The following RPS6KC1 variants were observed in gnomAD, a reference collection of about 807,000 sequenced individuals.
The protein encoded by RPS6KC1 is ribosomal protein S6 kinase C1.
Under a neutral mutation model 103.8 loss-of-function variants are expected in RPS6KC1, and 54 were observed. The ratio of observed to expected loss-of-function variants is 0.52; its 90% confidence interval spans 0.42 to 0.65. The LOEUF (loss-of-function observed/expected upper bound fraction) is 0.65. RPS6KC1 is among the 30% of genes least tolerant of loss of function. The pLI is 0.00. For synonymous variants in RPS6KC1, 439 were observed against 438.7 expected, an observed-to-expected ratio of 1.00 and a Z score of -0.01; for missense variants, 1,151 against 1,253.8, an observed-to-expected ratio of 0.92 and a Z score of 1.24.
intron 8 of RPS6KC1, 114 bp downstream of exon 8, chr1:213,176,606 A>C: frequency 4.1e-5 from 25 of 613,628 alleles, no homozygotes; most frequent in Non-Finnish European, 5.7e-5. Flanking sequence ...AATGACTCAA[A>C]TGCATGTGCA....
the RPS6KC1 span, among the ~76,000 whole-genome samples, chr1:213,469,060 C>T: frequency 2.2e-4 from 34 of 152,280 alleles, no homozygotes; most frequent in East Asian, 3.3e-3. Flanking sequence ...TTGGTAATCC[C>T]GCTGTCCCCT....
chr1:213,368,440 A>G, the RPS6KC1 span, among the ~76,000 whole-genome samples: 3 of 152,136 alleles, frequency 2.0e-5, no homozygotes, highest in Non-Finnish European at 4.4e-5. Context: ...ACTTCATCCT[A>G]AAGTAATAGA....
the RPS6KC1 span, among the ~76,000 whole-genome samples, chr1:213,503,929 A>G: frequency 2.6e-5 from 4 of 152,216 alleles, no homozygotes; most frequent in African/African-American, 9.6e-5. Flanking sequence ...CAGTATAAAA[A>G]AATATGTTCA....
At chr1:213,819,378 G>A in the RPS6KC1 span, 3 of 152,346 alleles carry the variant, frequency 2.0e-5, no homozygotes, top group African/African-American at 7.2e-5. Context: ...TGTGCATACA[G>A]GTCTCTTGGG....
chr1:213,768,767 G>T, the RPS6KC1 span, among the ~76,000 whole-genome samples: 1 of 152,288 alleles, frequency 6.6e-6, no homozygotes, highest in Non-Finnish European at 1.5e-5. Context: ...TTTCAATGGA[G>T]TCAAAACACC....
intron 6 of RPS6KC1, among the ~76,000 whole-genome samples, chr1:213,145,031 C>T (rs915514341): frequency 9.2e-5 from 14 of 152,046 alleles, no homozygotes; most frequent in Admixed American, 8.5e-4. Flanking sequence ...GCTGAGATCG[C>T]GCCACTGCGC....
At chr1:213,207,659 A>G (rs1443054993) in intron 8 of RPS6KC1, among the ~76,000 whole-genome samples, 1 of 151,766 alleles carries the variant, frequency 6.6e-6, no homozygotes, top group Non-Finnish European at 1.5e-5. Context: ...GTGTTTATAA[A>G]TTTATATACC....
intron 8 of RPS6KC1, among the ~76,000 whole-genome samples, chr1:213,185,287 A>G (rs1461854631): frequency 6.6e-6 from 1 of 152,108 alleles, no homozygotes; most frequent in South Asian, 2.1e-4. Flanking sequence ...TAGGTAGGGT[A>G]GGTTTCTTGA....
At chr1:213,652,234 C>T in the RPS6KC1 span, among the ~76,000 whole-genome samples, 14 of 152,182 alleles carry the variant, frequency 9.2e-5, no homozygotes, top group South Asian at 2.1e-4. Flanking sequence ...GTGCATTCTA[C>T]GTGCCTGGCA....
At chr1:213,813,007 C>A in the RPS6KC1 span, among the ~76,000 whole-genome samples, 1 of 152,096 alleles carries the variant, frequency 6.6e-6, no homozygotes, top group Non-Finnish European at 1.5e-5. Context: ...AATCCCAGCA[C>A]TTTGGGAGGC....
At chr1:213,486,380 G>T in the RPS6KC1 span, among the ~76,000 whole-genome samples, 5 of 152,130 alleles carry the variant, frequency 3.3e-5, no homozygotes, top group Admixed American at 3.3e-4. Context: ...AAATACCTGA[G>T]CTTCCCAGTT....
the RPS6KC1 span, among the ~76,000 whole-genome samples, chr1:213,323,156 C>T: frequency 6.6e-6 from 1 of 151,992 alleles, no homozygotes; most frequent in African/African-American, 2.4e-5. Flanking sequence ...CCTTCTCTGA[C>T]TCTGACCCTC....
chr1:213,143,755 T>G (rs1472127958), intron 6 of RPS6KC1, among the ~76,000 whole-genome samples: 1 of 152,016 alleles, frequency 6.6e-6, no homozygotes, highest in Non-Finnish European at 1.5e-5. Flanking sequence ...AATTTTTAAT[T>G]TTATTGTTTT....
chr1:213,790,641 T>C, the RPS6KC1 span, among the ~76,000 whole-genome samples: 83 of 151,992 alleles, frequency 5.5e-4, 2 homozygotes, highest in Non-Finnish European at 5.9e-5. Context: ...GAGAAAACGT[T>C]TTGCCGTATC....
At chr1:213,653,561 A>T in the RPS6KC1 span, among the ~76,000 whole-genome samples, 1 of 152,146 alleles carries the variant, frequency 6.6e-6, no homozygotes, top group Admixed American at 6.5e-5. Context: ...TTGACATTTA[A>T]ATTTTTCTTT....
intron 8 of RPS6KC1, among the ~76,000 whole-genome samples, chr1:213,182,987 T>C (rs1255102307): frequency 6.6e-6 from 1 of 150,814 alleles, no homozygotes; most frequent in Non-Finnish European, 1.5e-5. Context: ...AGGATGGAAA[T>C]GACATGTCAT....
the RPS6KC1 span, among the ~76,000 whole-genome samples, chr1:213,780,544 C>T: frequency 6.6e-6 from 1 of 152,208 alleles, no homozygotes. Flanking sequence ...TACAGAGCCA[C>T]AATCTGGGCC....
intron 12 of RPS6KC1, among the ~76,000 whole-genome samples, chr1:213,251,959 A>G (rs557157215): frequency 1.3e-5 from 2 of 152,372 alleles, no homozygotes; most frequent in South Asian, 4.1e-4. Context: ...GGATGTTAAT[A>G]GACCTTTATA....
intron 3 of RPS6KC1, among the ~76,000 whole-genome samples, chr1:213,084,142 CCCTTTCCCTCTCTT>C (rs1336465561): frequency 1.3e-5 from 2 of 152,112 alleles, no homozygotes; most frequent in African/African-American, 2.4e-5. Context: ...TTCCCTCTCT[CCCTTTCCCTCTCTT>C]CCTCTGTCTC....
Sources: allele counts gnomAD v4.1 joint callset (sites outside exome capture counted in the v4.1 genomes callset), GRCh38; gene constraint gnomAD v4.1.1; transcripts MANE v1.5; gene names NCBI Gene and HGNC (gene_info 2026-07-23, HGNC 2026-07-21).